Variants in FRYL observed in about 807,000 individuals in gnomAD.
FRYL encodes the protein FRY like transcription coactivator.
Under a neutral mutation model 351.2 loss-of-function variants are expected in FRYL, and 150 were observed. The ratio of observed to expected loss-of-function variants is 0.43; its 90% confidence interval spans 0.37 to 0.49. The LOEUF (loss-of-function observed/expected upper bound fraction) is 0.49, where lower values mean the gene tolerates loss of function less well. Ranked by LOEUF, FRYL falls within the 20% of genes least tolerant of loss-of-function variation. FRYL has a pLI of 0.00. For synonymous variants in FRYL, 1,153 were observed against 1,257.1 expected, an observed-to-expected ratio of 0.92 and a Z score of 1.75; for missense variants, 3,036 against 3,619.3, an observed-to-expected ratio of 0.84 and a Z score of 4.13.
At chr4:48,749,870 T>C (rs1773067027) in intron 1 of FRYL, among the ~76,000 whole-genome samples, 1 of 152,176 alleles carries the variant, frequency 6.6e-6, no homozygotes, top group Admixed American at 6.5e-5. Flanking sequence ...CAGTGGTTCA[T>C]ACCTGTAACC....
At chr4:48,591,510 T>A (rs932495156) in intron 16 of FRYL, among the ~76,000 whole-genome samples, 1 of 152,196 alleles carries the variant, frequency 6.6e-6, no homozygotes, top group Admixed American at 6.5e-5. Context: ...CTATTTATAG[T>A]ATGCTACTTG....
chr4:48,642,995 C>A (rs1218633794), intron 3 of FRYL, among the ~76,000 whole-genome samples: 1 of 152,112 alleles, frequency 6.6e-6, no homozygotes, highest in Non-Finnish European at 1.5e-5. Flanking sequence ...GTGTAAGAAG[C>A]AACAAGAATG....
At chr4:48,676,732 T>A (rs1274521593) in intron 3 of FRYL, among the ~76,000 whole-genome samples, 1 of 152,166 alleles carries the variant, frequency 6.6e-6, no homozygotes, top group African/African-American at 2.4e-5. Flanking sequence ...ACTGAAGGTA[T>A]CCAAGGGCAA....
chr4:48,576,710 T>C (rs935912775), intron 23 of FRYL, among the ~76,000 whole-genome samples: 2 of 152,208 alleles, frequency 1.3e-5, no homozygotes, highest in Non-Finnish European at 2.9e-5. Context: ...TAAAATATGT[T>C]ACCAGATCAT....
In FRYL at chr4:48,540,407, T is replaced by C. The variant is rs1177051697; in HGVS notation, c.6241A>G (p.Ser2081Gly). ...STQEMTVHLL[S>G]KLISVSKHTL... ...TGTTTGGAGACAGAAATGAGTTTAC[T>C]GAGGAGGTGCACGGTCATTTCTTGT... is the stretch of plus-strand genomic sequence containing the variant. Residue 2081 changes from serine to glycine, a missense_variant, in exon 46 of 64, where the codon AGT (serine) becomes GGT (glycine). Physicochemically the swap from Ser to Gly is moderately conservative, Grantham distance 56 (BLOSUM62 0). Coordinates refer to ENST00000358350, the MANE Select transcript of FRYL (RefSeq NM_015030.2). 6.2e-7 allele frequency: 1 copy of C among 1,613,862 alleles called. No homozygotes were observed. The highest frequency in any genetic ancestry group is 8.5e-7 in the Non-Finnish European group (1 of 1,179,772).
intron 49 of FRYL, among the ~76,000 whole-genome samples, chr4:48,531,888 C>G (rs1211018502): frequency 2.0e-5 from 3 of 151,950 alleles, no homozygotes; most frequent in Non-Finnish European, 4.4e-5. Flanking sequence ...ATGTGATGTT[C>G]TCAGGGATTA....
rs1481443328 is a variant in FRYL, at chr4:48,581,605, G to A, written c.1987C>T (p.His663Tyr). ...TGAGAAGCTCCATTAGCTACACCATGCTTGAAAAACAGAAGTTAAAAACAA... is the reference window on the plus strand; with the variant it reads ...TGAGAAGCTCCATTAGCTACACCATACTTGAAAAACAGAAGTTAAAAACAA... ...QMHNKNQDTQ[H>Y]GVANGASHPP... The change falls in exon 21 of 64, where the codon CAT (histidine) becomes TAT (tyrosine). Residue 663 changes from histidine to tyrosine, a missense_variant and splice_region_variant. Transcript: ENST00000358350. 1 of 1,580,840 alleles carries A rather than the reference G, an allele frequency of 6.3e-7. No individual in the cohort carries two copies. The highest frequency in any genetic ancestry group is 8.6e-7 in the Non-Finnish European group (1 of 1,168,362).
chr4:48,587,793 C>T (rs1384982949), intron 18 of FRYL, among the ~76,000 whole-genome samples: 1 of 152,106 alleles, frequency 6.6e-6, no homozygotes, highest in African/African-American at 2.4e-5. Context: ...GATACATACG[C>T]CTCGGCCTCC....
chr4:48,754,180 C>A (rs149424294), intron 1 of FRYL, among the ~76,000 whole-genome samples: 1 of 152,188 alleles, frequency 6.6e-6, no homozygotes, highest in Admixed American at 6.5e-5. Context: ...TAAGCAGTCA[C>A]CATTCTTCCT....
intron 7 of FRYL, among the ~76,000 whole-genome samples, chr4:48,614,669 C>T (rs1226319449): frequency 9.0e-6 from 1 of 110,846 alleles, no homozygotes; most frequent in African/African-American, 3.5e-5. Flanking sequence ...TTGCAGTGAG[C>T]CAAGATCAAA....
intron 2 of FRYL, among the ~76,000 whole-genome samples, chr4:48,688,652 T>C (rs532375126): frequency 7.1e-6 from 1 of 141,738 alleles, no homozygotes; most frequent in African/African-American, 2.6e-5. Flanking sequence ...AACCTTCTCT[T>C]AGTCAATTTT....
chr4:48,582,835 T>C (rs1432904882), intron 19 of FRYL, 101 bp from the exon 20 acceptor site: 2 of 789,878 alleles, frequency 2.5e-6, no homozygotes, highest in African/African-American at 1.7e-5. Context: ...TCCTCTTAGT[T>C]GTTTTGTAAG....
chr4:48,748,160 C>A (rs1772871469), intron 1 of FRYL, among the ~76,000 whole-genome samples: 1 of 151,880 alleles, frequency 6.6e-6, no homozygotes, highest in East Asian at 1.9e-4. Context: ...GCAGGGGGAT[C>A]ATTTGAACCT....
At chr4:48,527,908 A>T (rs1726626069) in intron 52 of FRYL, 63 bp downstream of exon 52, 3 of 1,298,686 alleles carry the variant, frequency 2.3e-6, no homozygotes, top group Admixed American at 4.7e-5. Context: ...AAGGAGACAG[A>T]TCATTTCTTC....
intron 1 of FRYL, among the ~76,000 whole-genome samples, chr4:48,751,076 A>C (rs1773208358): frequency 6.6e-6 from 1 of 152,180 alleles, no homozygotes; most frequent in Non-Finnish European, 1.5e-5. Context: ...AAAGAAAGAG[A>C]AGAATTACTA....
intron 21 of FRYL, 60 bp from the exon 22 acceptor site, chr4:48,581,011 C>T: frequency 9.7e-7 from 1 of 1,027,476 alleles, no homozygotes; most frequent in East Asian, 2.5e-5. Flanking sequence ...AGTAGCCAAA[C>T]CCAAGTAAAC....
intron 2 of FRYL, among the ~76,000 whole-genome samples, chr4:48,704,603 G>A (rs1273278727): frequency 6.6e-6 from 1 of 152,070 alleles, no homozygotes; most frequent in Admixed American, 6.6e-5. Context: ...CCTGAGGCTA[G>A]GAGTTCCAGA....
At chr4:48,617,530 T>A (rs186212786) in intron 7 of FRYL, 10 of 152,054 alleles carry the variant, frequency 6.6e-5, no homozygotes, top group East Asian at 5.8e-4. Flanking sequence ...TTAATTTTTT[T>A]ATATTTTGTA....
Position 48,645,124 on chromosome 4 carries a change from T to TTATATATATATATA in FRYL, c.-80-10648_-80-10635dup, listed in dbSNP as rs36223183. On this transcript the variant is annotated intron_variant, in intron 3 of 63. Transcript: ENST00000358350. Reference sequence around the variant, plus strand: ...ATTAAACCAGCAGTGAGCTTTCATTTTATATATATATATATATATATATAT... The same window carrying TTATATATATATATA: ...ATTAAACCAGCAGTGAGCTTTCATTTTATATATATATATATATATATATATATATATATATATAT... Among the ~76,000 whole-genome samples, 632 of 105,316 alleles carry TTATATATATATATA rather than the reference T, an allele frequency of 6.0e-3. 31 individuals carry two copies. The highest frequency in any genetic ancestry group is 7.6e-3 in the Non-Finnish European group (367 of 48,278). The allele number at this position is 105,316 out of a possible 152,430, so 69.1% of individuals were successfully genotyped here.
Sources: allele counts gnomAD v4.1 joint callset (sites outside exome capture counted in the v4.1 genomes callset), GRCh38; gene constraint gnomAD v4.1.1; transcripts MANE v1.5; gene names NCBI Gene and HGNC (gene_info 2026-07-23, HGNC 2026-07-21).